Variants in CRABP1 observed in about 807,000 individuals in gnomAD.
The protein encoded by CRABP1 is cellular retinoic acid binding protein 1.
CRABP1 carries 9 observed loss-of-function variants against 16.4 expected under a neutral mutation model. The observed-to-expected ratio is 0.55, with a 90% CI of 0.33 to 0.96. The LOEUF (loss-of-function observed/expected upper bound fraction) is 0.96, where lower values mean the gene tolerates loss of function less well. Among genes scored for constraint, CRABP1 ranks in the 40% least tolerant of loss-of-function variants. CRABP1 has a pLI of 0.03. For missense variants in CRABP1, 157 were observed against 186.0 expected (o/e 0.84, Z 0.91); for synonymous variants, 72 against 70.4 (o/e 1.02, Z -0.11).
At chr15:78,342,246 A>G (rs1409438128) in intron 2 of CRABP1, among the ~76,000 whole-genome samples, 1 of 152,154 alleles carries the variant, frequency 6.6e-6, no homozygotes, top group Non-Finnish European at 1.5e-5. Flanking sequence ...CCTAAACTGC[A>G]CTGCAGAAAC....
Position 78,341,331 on chromosome 15 carries a change from T to A in CRABP1, c.249+110T>A. On this transcript the variant is annotated intron_variant, in intron 2 of 3. Transcript: ENST00000299529. The surrounding 1 kb of genome is among the most constrained non-coding windows in gnomAD (Gnocchi z 5.3). ...TTTGCAGCCTGTGGCGCGCCTTCCT[T>A]GCAGGGTGTGTACACTGGCTGTTTG... is the stretch of plus-strand genomic sequence containing the variant. The A allele has an allele frequency of 7.8e-7, 1 of 1,286,412 alleles. No homozygotes were observed. The highest frequency in any genetic ancestry group is 1.1e-6 in the Non-Finnish European group (1 of 906,678). The allele number at this position is 1,286,412 out of a possible 1,614,324, so 79.7% of individuals were successfully genotyped here. A position where few individuals can be genotyped will look rare whatever the true frequency, so the allele number is the denominator to read the frequency against.
chr15:78,341,096 G>C lies in CRABP1; in HGVS notation c.124G>C (p.Val42Leu). ...VAVAAASKPH[V>L]EIRQDGDQFY... ...CGTAGCGGCTGCGTCCAAGCCGCACGTGGAGATCCGCCAGGACGGGGATCA... is the reference window on the plus strand; with the variant it reads ...CGTAGCGGCTGCGTCCAAGCCGCACCTGGAGATCCGCCAGGACGGGGATCA... The change falls in exon 2 of 4, where the codon GTG becomes CTG. Residue 42 changes from valine (V) to leucine (L), a missense_variant. Val to Leu is a conservative substitution (Grantham distance 32, BLOSUM62 1). Transcript: ENST00000299529. This position sits in a 1 kb window ranked among gnomAD's most constrained non-coding sequence, Gnocchi z 5.3. 6.2e-7 allele frequency: 1 copy of C among 1,612,704 alleles called. No individual in the cohort carries two copies.
intron 1 of CRABP1, 140 bp from the exon 2 acceptor site, chr15:78,340,903 C>G: frequency 1.1e-6 from 1 of 887,836 alleles, no homozygotes. Context: ...TCTCTCATCT[C>G]GAAAACAAGG....
At chr15:78,344,659 G>A (rs2050255356) in intron 3 of CRABP1, among the ~76,000 whole-genome samples, 1 of 151,258 alleles carries the variant, frequency 6.6e-6, no homozygotes, top group African/African-American at 2.4e-5. Flanking sequence ...GCTGGGATTG[G>A]TGGCTCACAC....
intron 1 of CRABP1, chr15:78,340,834 CTCT>C: frequency 3.2e-6 from 2 of 626,514 alleles, no homozygotes; most frequent in Non-Finnish European, 5.5e-6. Flanking sequence ...TGGGACCAGG[CTCT>C]GCCACGAATT....
chr15:78,345,478 C>T (rs1567139563), intron 3 of CRABP1, among the ~76,000 whole-genome samples: 1 of 152,048 alleles, frequency 6.6e-6, no homozygotes, highest in Non-Finnish European at 1.5e-5. Context: ...GGAGAAAAGG[C>T]GTATATGGTT....
In CRABP1 at chr15:78,346,992, TG is replaced by T. The variant is rs1165896085; in HGVS notation, c.364-934del. Among the ~76,000 whole-genome samples, 213 of 147,156 alleles carry T rather than the reference TG, an allele frequency of 1.4e-3. 1 individual carries two copies. The highest frequency in any genetic ancestry group is 5.0e-3 in the African/African-American group (188 of 37,358). ...ATTTCTGTTTCTTGGTTTTTGTTTT[TG>T]TTTTTTTTTTTTTTAACATACATAT... On this transcript the variant is annotated intron_variant, in intron 3 of 3. Coordinates refer to ENST00000299529, the MANE Select transcript of CRABP1 (RefSeq NM_004378.3).
In CRABP1 at chr15:78,342,489, AT is replaced by A. The variant is rs1366255451; in HGVS notation, c.250-1008del. The stretch of plus-strand genomic sequence containing the variant: ...TGTCCCATGTGTTAGTTAAAAACTG[AT>A]TATGTGCACATTCAGCTCTGGCCCA... On this transcript the variant is annotated intron_variant, in intron 2 of 3. Transcript: ENST00000299529. Among the ~76,000 whole-genome samples, 6 of 151,920 alleles carry A rather than the reference AT, an allele frequency of 3.9e-5. No homozygotes were observed. In the East Asian group the frequency reaches 1.2e-3, roughly 29 times the overall value.
Position 78,341,533 on chromosome 15 carries a change from C to T in CRABP1, c.249+312C>T. 1 of 350,776 alleles carries T rather than the reference C, an allele frequency of 2.9e-6. No homozygotes were observed. The allele number at this position is 350,776 out of a possible 1,614,324, so 21.7% of individuals were successfully genotyped here. On this transcript the variant is annotated intron_variant, in intron 2 of 3. Coordinates refer to ENST00000299529, the MANE Select transcript of CRABP1 (RefSeq NM_004378.3). The surrounding 1 kb of genome is among the most constrained non-coding windows in gnomAD (Gnocchi z 5.3). ...TTTTGCAGCGGTTTGCAGCGCCAAG[C>T]GCAGGCGGCGCAGGAGGAGGAGGAG...
At chr15:78,347,824 A>G (rs560219403) in intron 3 of CRABP1, 103 bp from the exon 4 acceptor site, 2 of 1,056,746 alleles carry the variant, frequency 1.9e-6, no homozygotes, top group South Asian at 1.3e-5. Context: ...TCTGTTACAA[A>G]GAGTTTTTAA....
At position 78,347,936 on chromosome 15, in the gene CRABP1, G is replaced by A. The variant is rs745448260; in HGVS notation, c.373G>A (p.Ala125Thr). Reference sequence around the variant, plus strand: ...TTCTTCTTCTCTGCAGACGTTTGGCGCCGATGACGTGGTCTGCACCAGAAT... The same window carrying A: ...TTCTTCTTCTCTGCAGACGTTTGGCACCGATGACGTGGTCTGCACCAGAAT... Reference protein sequence around the residue: ...ANDELILTFGADDVVCTRIYV... With the variant: ...ANDELILTFGTDDVVCTRIYV... Residue 125 changes from alanine to threonine, a missense_variant, in exon 4 of 4, where the codon GCC (alanine) becomes ACC (threonine). By Grantham distance (58) the Ala-to-Thr change is moderately conservative. Transcript: ENST00000299529. The A allele has an allele frequency of 1.9e-5, 30 of 1,613,950 alleles. No individual in the cohort carries two copies. The highest frequency in any genetic ancestry group is 2.4e-5 in the Non-Finnish European group (28 of 1,180,006).
rs1468565784 is a variant in CRABP1, at chr15:78,341,109, A to G, written c.137A>G (p.Gln46Arg). Residue 46 changes from glutamine to arginine, a missense_variant, in exon 2 of 4, where the codon CAG becomes CGG. By Grantham distance (43) the Gln-to-Arg change is conservative. Coordinates refer to ENST00000299529, the MANE Select transcript of CRABP1 (RefSeq NM_004378.3). The surrounding 1 kb of genome is among the most constrained non-coding windows in gnomAD (Gnocchi z 5.3). Reference sequence around the variant, plus strand: ...TCCAAGCCGCACGTGGAGATCCGCCAGGACGGGGATCAGTTCTACATCAAG... The same window carrying G: ...TCCAAGCCGCACGTGGAGATCCGCCGGGACGGGGATCAGTTCTACATCAAG... ...AASKPHVEIR[Q>R]DGDQFYIKTS... 6.2e-7 allele frequency: 1 copy of G among 1,613,078 alleles called. No individual in the cohort carries two copies.
rs954485118 is a variant in CRABP1 at position 78,340,366 on chromosome 15, C to T, written c.-63C>T. ...GCGCAAAGCGCCAGTCTCCGCCTTG[C>T]GAGCTCAGAGTGTGCCCGCTGCGCC... is the stretch of plus-strand genomic sequence containing the variant. On this transcript the variant is annotated 5_prime_UTR_variant, in exon 1 of 4. Transcript: ENST00000299529. The T allele has an allele frequency of 2.6e-6, 4 of 1,539,094 alleles. No individual in the cohort carries two copies. Among genetic ancestry groups the T allele is most frequent in the Non-Finnish European group, 3.5e-6 (4 of 1,139,590 alleles).
At chr15:78,342,937 C>G (rs756919821) in intron 2 of CRABP1, among the ~76,000 whole-genome samples, 1 of 151,958 alleles carries the variant, frequency 6.6e-6, no homozygotes, top group African/African-American at 2.4e-5. Flanking sequence ...CCTGGTGAAA[C>G]CCCATCTGTA....
At chr15:78,343,305 T>C (rs556755022) in intron 2 of CRABP1, among the ~76,000 whole-genome samples, 194 bp from the exon 3 acceptor site, 2 of 152,182 alleles carry the variant, frequency 1.3e-5, no homozygotes, top group South Asian at 4.2e-4. Flanking sequence ...CAAGGTGTAT[T>C]TATACCCCAT....
intron 2 of CRABP1, among the ~76,000 whole-genome samples, chr15:78,342,884 A>G (rs1159841851): frequency 6.6e-6 from 1 of 152,150 alleles, no homozygotes; most frequent in Non-Finnish European, 1.5e-5. Flanking sequence ...CTTGCTTTTA[A>G]AATCCAAATT....
At chr15:78,345,063 TC>T (rs1458675385) in intron 3 of CRABP1, among the ~76,000 whole-genome samples, 1 of 152,208 alleles carries the variant, frequency 6.6e-6, no homozygotes, top group African/African-American at 2.4e-5. Context: ...TAATCTCTGC[TC>T]CATCTTAGTG....
intron 3 of CRABP1, among the ~76,000 whole-genome samples, chr15:78,346,338 G>C (rs1740869543): frequency 1.3e-5 from 2 of 152,168 alleles, no homozygotes; most frequent in South Asian, 4.1e-4. Context: ...CCAGGAGTGG[G>C]TATAACTGCC....
chr15:78,343,468 T>C lies in CRABP1; in HGVS notation c.250-31T>C, dbSNP rs1329789047. The C allele has an allele frequency of 1.1e-5, 17 of 1,553,340 alleles. No homozygotes were observed. The East Asian group carries it at 3.1e-4, about 29-fold the overall frequency. On this transcript the variant is annotated intron_variant, in intron 2 of 3. Transcript: ENST00000299529. Reference sequence around the variant, plus strand: ...CCTGCTCCCGCTGCTGAGACTCTAATTAATGTCACTAATGGTTTTCCCGCC... The same window carrying C: ...CCTGCTCCCGCTGCTGAGACTCTAACTAATGTCACTAATGGTTTTCCCGCC...
Sources: gnomAD v4.1 joint callset for allele counts (sites outside exome capture counted in the v4.1 genomes callset) on GRCh38, gnomAD v4.1.1 for gene constraint, Gnocchi (gnomAD v3.1) non-coding constraint, MANE v1.5 for transcripts, NCBI Gene and HGNC (gene_info 2026-07-23, HGNC 2026-07-21) for gene names.